The following DSP variants were observed in gnomAD, a reference collection of about 807,000 sequenced individuals.
DSP encodes the protein 250/210 kDa paraneoplastic pemphigus antigen.
In DSP, 114 loss-of-function variants were observed where a neutral mutation model predicts 290.6. That is an observed-to-expected ratio of 0.39 (90% CI 0.34 to 0.46). The LOEUF (loss-of-function observed/expected upper bound fraction) is 0.46, where lower values mean the gene tolerates loss of function less well. Among genes scored for constraint, DSP ranks in the 20% least tolerant of loss-of-function variants. The pLI is 0.99. For missense variants in DSP, 3,230 were observed against 3,495.8 expected, an observed-to-expected ratio of 0.92 and a Z score of 1.92; for synonymous variants, 1,311 against 1,316.4, an observed-to-expected ratio of 1.00 and a Z score of 0.09.
At chr6:7,542,280 CT>C (rs1311748083) in intron 1 of DSP, among the ~76,000 whole-genome samples, 195 bp downstream of exon 1, 2 of 92,092 alleles carry the variant, frequency 2.2e-5, no homozygotes, top group African/African-American at 7.7e-5. Context: ...GGCCCCTGTC[CT>C]GCGAACAGGG....
chr6:7,574,316 T>A (rs988392725), intron 16 of DSP, 64 bp downstream of exon 16: 177 of 1,518,936 alleles, frequency 1.2e-4, no homozygotes, highest in Non-Finnish European at 1.5e-5. Flanking sequence ...TGGGTCTTCA[T>A]TTGCTTTAGA....
chr6:7,547,601 AT>A (rs61417378), intron 1 of DSP, among the ~76,000 whole-genome samples: 19,404 of 145,114 alleles, frequency 0.13, 1,149 homozygotes, highest in Non-Finnish European at 0.15. Context: ...ACTAATTAAA[AT>A]TTTTTTTTTT....
Position 7,584,253 on chromosome 6 carries a change from T to C in DSP, c.6991T>C (p.Ser2331Pro). The change falls in exon 24 of 24, where the codon TCT becomes CCT. Residue 2331 changes from serine to proline, a missense_variant. Physicochemically the swap from Ser to Pro is moderately conservative, Grantham distance 74. Transcript: ENST00000379802. The surrounding 1 kb of genome is among the most constrained non-coding windows in gnomAD (Gnocchi z 6.4). ...VGIEFKEKLL[S>P]AERAVTGYND... ...CATTGAGTTCAAAGAGAAGCTCCTG[T>C]CTGCAGAACGAGCTGTCACTGGGTA... 3 of 1,614,204 alleles carry C rather than the reference T, an allele frequency of 1.9e-6. No individual in the cohort carries two copies. The highest frequency in any genetic ancestry group is 2.5e-6 in the Non-Finnish European group (3 of 1,180,042).
chr6:7,564,903 G>T (rs924677862), intron 6 of DSP, among the ~76,000 whole-genome samples: 1 of 152,178 alleles, frequency 6.6e-6, no homozygotes, highest in South Asian at 2.1e-4. Flanking sequence ...CCAGCACTTT[G>T]GGGGGCCGAG....
intron 1 of DSP, among the ~76,000 whole-genome samples, chr6:7,544,661 G>T (rs1405420391): frequency 6.6e-6 from 1 of 151,864 alleles, no homozygotes; most frequent in Non-Finnish European, 1.5e-5. Flanking sequence ...ATGTGTGGAG[G>T]GCCCAACTCT....
intron 5 of DSP, 38 bp downstream of exon 5, chr6:7,562,818 T>C (rs1758743141): frequency 6.2e-7 from 1 of 1,613,178 alleles, no homozygotes; most frequent in Non-Finnish European, 8.5e-7. Flanking sequence ...CTTCAAAATA[T>C]CTACCGAAGG....
At chr6:7,559,964 G>A (rs949665076) in intron 4 of DSP, among the ~76,000 whole-genome samples, 2 of 152,200 alleles carry the variant, frequency 1.3e-5, no homozygotes, top group African/African-American at 4.8e-5. Context: ...TGGGAGTGAA[G>A]CAAAATAATG....
At chr6:7,578,432 T>A in intron 21 of DSP, 32 bp from the exon 22 acceptor site, 9 of 1,580,844 alleles carry the variant, frequency 5.7e-6, no homozygotes, top group Non-Finnish European at 7.8e-6. Context: ...TAATGCAATA[T>A]CTTTTTCTTT....
At position 7,574,091 on chromosome 6, in the gene DSP, G is replaced by A. The variant is rs760956176; in HGVS notation, c.2136G>A (p.Val712=). ...CTTTCCTTCATTTTTGACAGAGTGT[G>A]CAGAATGATTCACAAGCAATTGCTG... is the stretch of plus-strand genomic sequence containing the variant. The part of the protein sequence containing the change: ...ITVKINELKS[V]QNDSQAIAEV... The change falls in exon 16 of 24, where the codon GTG becomes GTA. Residue 712 remains valine (V), a synonymous_variant. Coordinates refer to ENST00000379802, the MANE Select transcript of DSP (RefSeq NM_004415.4). 6.2e-7 allele frequency: 1 copy of A among 1,614,092 alleles called. No homozygotes were observed. Among genetic ancestry groups the A allele is most frequent in the Admixed American group, 1.7e-5 (1 of 60,024 alleles).
intron 13 of DSP, 35 bp downstream of exon 13, chr6:7,570,598 G>A: frequency 6.2e-7 from 1 of 1,611,454 alleles, no homozygotes; most frequent in African/African-American, 1.3e-5. Context: ...TGCCTGGAGG[G>A]AGGGCAGCGC....
chr6:7,562,623 G>C (rs1324785216), intron 4 of DSP, 29 bp from the exon 5 acceptor site: 1 of 1,613,670 alleles, frequency 6.2e-7, no homozygotes, highest in Non-Finnish European at 8.5e-7. Flanking sequence ...CAACAACAAA[G>C]GGCGCCTCTC....
chr6:7,573,519 A>G (rs1432377373), intron 15 of DSP, among the ~76,000 whole-genome samples: 1 of 151,956 alleles, frequency 6.6e-6, no homozygotes, highest in East Asian at 1.9e-4. Context: ...TGGAGGTTGC[A>G]GTGAGCTGAG....
At chr6:7,560,447 A>C (rs1167684009) in intron 4 of DSP, among the ~76,000 whole-genome samples, 1 of 152,190 alleles carries the variant, frequency 6.6e-6, no homozygotes, top group Admixed American at 6.5e-5. Context: ...AAATATCAGA[A>C]ACCTAAATAC....
At position 7,571,505 on chromosome 6, in the gene DSP, A is replaced by G. The variant is rs776461292; in HGVS notation, c.1824A>G (p.Ile608Met). ...EMFGDDDKRK[I>M]QSQFTDAQKH... The stretch of plus-strand genomic sequence containing the variant: ...TTGGAGATGATGACAAGCGGAAAAT[A>G]CAGTCTCAGTTCACCGATGCCCAGA... The change falls in exon 14 of 24, where the codon ATA becomes ATG. Residue 608 changes from isoleucine (I) to methionine (M), a missense_variant. Ile to Met is a conservative substitution (Grantham distance 10). Around this residue, in one of 5 missense-constraint regions of DSP, gnomAD observed 81 missense variants for 130.5 expected, o/e 0.62. Coordinates refer to ENST00000379802, the MANE Select transcript of DSP (RefSeq NM_004415.4). 8 of 1,614,210 alleles carry G rather than the reference A, an allele frequency of 5.0e-6. No individual in the cohort carries two copies. Among genetic ancestry groups the G allele is most frequent in the Middle Eastern group, 1.6e-4 (1 of 6,062 alleles).
At position 7,565,772 on chromosome 6, in the gene DSP, G is replaced by T; in HGVS notation, c.939+252G>T. 1 of 497,772 alleles carries T rather than the reference G, an allele frequency of 2.0e-6. No individual in the cohort carries two copies. The highest frequency in any genetic ancestry group is 3.7e-6 in the Non-Finnish European group (1 of 273,530). The allele number at this position is 497,772 out of a possible 1,614,324, so 30.8% of individuals were successfully genotyped here. On this transcript the variant is annotated intron_variant, in intron 7 of 23. Coordinates refer to ENST00000379802, the MANE Select transcript of DSP (RefSeq NM_004415.4). This position sits in a 1 kb window ranked among gnomAD's most constrained non-coding sequence, Gnocchi z 4.2. ...CACTTAGGAGTGGGAACTAAATGAT[G>T]AGAATACATGGATACATCGAGGGCA...
At chr6:7,542,818 C>T (rs925539877) in intron 1 of DSP, among the ~76,000 whole-genome samples, 26 of 152,214 alleles carry the variant, frequency 1.7e-4, no homozygotes, top group African/African-American at 5.8e-4. Flanking sequence ...CACCTGGGGC[C>T]CTGCCTCTGA....
At position 7,584,816 on chromosome 6, in the gene DSP, C is replaced by A. The variant is rs573057380; in HGVS notation, c.7554C>A (p.Val2518=). ...ITGSDGSTRV[V]LVDRKTGSQY... ...GATCAGATGGCTCCACCAGGGTGGTCCTGGTAGATAGAAAGACAGGCAGTC... is the reference window on the plus strand; with the variant it reads ...GATCAGATGGCTCCACCAGGGTGGTACTGGTAGATAGAAAGACAGGCAGTC... The change falls in exon 24 of 24, where the codon GTC becomes GTA. Residue 2518 remains valine, a synonymous_variant. Coordinates refer to ENST00000379802, the MANE Select transcript of DSP (RefSeq NM_004415.4). The surrounding 1 kb of genome is among the most constrained non-coding windows in gnomAD (Gnocchi z 6.4). The A allele has an allele frequency of 6.2e-7, 1 of 1,614,122 alleles. No homozygotes were observed. The highest frequency in any genetic ancestry group is 8.5e-7 in the Non-Finnish European group (1 of 1,180,034).
intron 2 of DSP, among the ~76,000 whole-genome samples, chr6:7,557,090 G>T (rs919904898): frequency 1.3e-5 from 2 of 152,192 alleles, no homozygotes; most frequent in Non-Finnish European, 2.9e-5. Flanking sequence ...GAGAAAAGAG[G>T]TTCATTTGAC....
Position 7,580,725 on chromosome 6 carries a change from A to G in DSP, c.4535A>G (p.Tyr1512Cys), listed in dbSNP as rs2076299. The change falls in exon 23 of 24, where the codon TAT becomes TGT. Residue 1512 changes from tyrosine to cysteine, a missense_variant. Physicochemically the swap from Tyr to Cys is radical, Grantham distance 194. Coordinates refer to ENST00000379802, the MANE Select transcript of DSP (RefSeq NM_004415.4). The surrounding 1 kb of genome is among the most constrained non-coding windows in gnomAD (Gnocchi z 4.2). ...DENARLQRVQYDLQKANSSAT... is the reference protein window; with the variant it reads ...DENARLQRVQCDLQKANSSAT... Reference sequence around the variant, plus strand: ...AACGCGAGATTACAAAGGGTCCAGTATGACCTGCAGAAAGCAAACAGTAGT... The same window carrying G: ...AACGCGAGATTACAAAGGGTCCAGTGTGACCTGCAGAAAGCAAACAGTAGT... The G allele has an allele frequency of 0.073, 118,545 of 1,613,944 alleles. 8,976 individuals carry two copies. The highest frequency in any genetic ancestry group is 0.29 in the African/African-American group (21,857 of 74,996).
Sources: allele counts gnomAD v4.1 joint callset (sites outside exome capture counted in the v4.1 genomes callset), GRCh38; gene constraint gnomAD v4.1.1; regional missense constraint gnomAD v4.1.1; non-coding constraint Gnocchi (gnomAD v3.1); transcripts MANE v1.5; gene names NCBI Gene and HGNC (gene_info 2026-07-23, HGNC 2026-07-21).